LANCL3: variants seen among roughly 807,000 people sequenced by gnomAD.
LANCL3 encodes the protein lanC-like protein 3.
A neutral mutation model predicts 26.5 loss-of-function variants in LANCL3; 19 were observed. The observed-to-expected ratio is 0.72, with a 90% CI of 0.50 to 1.05. The LOEUF is 1.05. LANCL3 is among the 50% of genes least tolerant of loss of function. The pLI, the probability that LANCL3 is intolerant of heterozygous loss-of-function variation, is 0.00. For missense variants in LANCL3, 318 were observed against 362.7 expected (o/e 0.88, Z 1.00); for synonymous variants, 160 against 166.6 (o/e 0.96, Z 0.30).
At chrX:37,596,201 A>C (rs141479936) in intron 1 of LANCL3, among the ~76,000 whole-genome samples, 1,433 of 112,084 alleles carry the variant, frequency 0.013, 18 homozygotes, top group African/African-American at 0.043. Context: ...AGATAGCATG[A>C]GCTTTTAATT....
intron 1 of LANCL3, among the ~76,000 whole-genome samples, chrX:37,585,368 A>G (rs28819426): frequency 1.1e-4 from 12 of 111,065 alleles, no homozygotes; most frequent in Non-Finnish European, 2.1e-4. Context: ...TTTCTGTCTC[A>G]TTGATCTGTC....
intron 1 of LANCL3, among the ~76,000 whole-genome samples, chrX:37,592,196 G>A (rs1179703617): frequency 8.9e-6 from 1 of 112,011 alleles, no homozygotes; most frequent in Non-Finnish European, 1.9e-5. Context: ...AGGACGATAT[G>A]TGGTTATCAG....
chrX:37,679,509 CAAG>C lies in LANCL3; in HGVS notation c.*3699_*3701del, dbSNP rs1926885617. 1 of 111,479 alleles carries C rather than the reference CAAG, an allele frequency of 9.0e-6. No individual in the cohort carries two copies. Among genetic ancestry groups the C allele is most frequent in the Non-Finnish European group, 1.9e-5 (1 of 53,066 alleles). 9.2% of individuals were successfully genotyped at this position (111,479 alleles called of 1,213,427 possible). ...ACAAAGGATTACAGTGCCAATAACT[CAAG>C]AAAAGGAGCAGGCAAGCCAGGTCTG... is the stretch of plus-strand genomic sequence containing the variant. On this transcript the variant is annotated 3_prime_UTR_variant, in exon 5 of 5. Transcript: ENST00000378619.
At chrX:37,675,079 ATC>A (rs1354841709) in intron 4 of LANCL3, among the ~76,000 whole-genome samples, 1 of 112,273 alleles carries the variant, frequency 8.9e-6, no homozygotes, top group Non-Finnish European at 1.9e-5. Flanking sequence ...CTCAAAAATA[ATC>A]TGTCTTGTAG....
intron 1 of LANCL3, among the ~76,000 whole-genome samples, chrX:37,612,533 A>G (rs994555379): frequency 8.9e-6 from 1 of 112,367 alleles, no homozygotes; most frequent in Admixed American, 9.4e-5. Context: ...TAAACACTCA[A>G]TCTCAAAAGT....
chrX:37,665,966 G>A (rs782115317), intron 3 of LANCL3, among the ~76,000 whole-genome samples: 4 of 112,203 alleles, frequency 3.6e-5, no homozygotes, highest in Non-Finnish European at 7.5e-5. Flanking sequence ...TTTAGTTTGT[G>A]CAAGGTACTT....
chrX:37,577,250 A>G (rs1556416506), intron 1 of LANCL3, among the ~76,000 whole-genome samples: 1 of 112,714 alleles, frequency 8.9e-6, no homozygotes, highest in East Asian at 2.8e-4. Flanking sequence ...GTCTTAGAAT[A>G]ATATTTTTAA....
chrX:37,594,087 A>G (rs1402894290), intron 1 of LANCL3, among the ~76,000 whole-genome samples: 12 of 111,677 alleles, frequency 1.1e-4, no homozygotes, highest in African/African-American at 3.9e-4. Context: ...GAGAAGGGGT[A>G]TGGGGATAGG....
intron 4 of LANCL3, among the ~76,000 whole-genome samples, chrX:37,672,636 G>C (rs1569470948): frequency 8.9e-6 from 1 of 111,874 alleles, no homozygotes; most frequent in African/African-American, 3.2e-5. Context: ...GGTGTGATCT[G>C]ATTAGTTACT....
rs1661302772 is a variant in LANCL3, at chrX:37,683,828, T to C, written c.*8015T>C. ...AAAACATCACTTTCTATAAGTCTAT[T>C]ATTATGTACATAATATTTTTAAAAA... On this transcript the variant is annotated 3_prime_UTR_variant, in exon 5 of 5. Transcript: ENST00000378619. 1 of 112,099 alleles carries C rather than the reference T, an allele frequency of 8.9e-6. No homozygotes were observed. Among genetic ancestry groups the C allele is most frequent in the Admixed American group, 9.5e-5 (1 of 10,525 alleles). The allele number at this position is 112,099 out of a possible 1,213,427, so 9.2% of individuals were successfully genotyped here.
intron 1 of LANCL3, among the ~76,000 whole-genome samples, chrX:37,615,050 G>A (rs1450610832): frequency 8.1e-5 from 9 of 111,743 alleles, no homozygotes; most frequent in East Asian, 2.8e-4. Flanking sequence ...CCCATTTTAC[G>A]GTGAAGAAAC....
chrX:37,609,303 A>G (rs1924798847), intron 1 of LANCL3, among the ~76,000 whole-genome samples: 1 of 111,777 alleles, frequency 8.9e-6, no homozygotes, highest in African/African-American at 3.3e-5. Context: ...TCTGGAGGCT[A>G]AACTAAGGTT....
intron 1 of LANCL3, among the ~76,000 whole-genome samples, chrX:37,574,810 A>G (rs1265391073): frequency 2.7e-5 from 3 of 110,054 alleles, no homozygotes; most frequent in Non-Finnish European, 5.7e-5. Context: ...TTCCTGTCTC[A>G]GGCTGTTTGT....
chrX:37,675,663 A>G lies in LANCL3; in HGVS notation c.1113A>G (p.Gln371=), dbSNP rs41309727. The part of the protein sequence containing the change: ...KYIYRAQRFA[Q]FLFTEEFKAG... ...TTTCTTCTTCTCTTAGGTTTGCTCA[A>G]TTCTTATTTACCGAGGAATTCAAGG... is the stretch of plus-strand genomic sequence containing the variant. The change falls in exon 5 of 5, where the codon CAA becomes CAG. Residue 371 remains glutamine (Q), a synonymous_variant. Transcript: ENST00000378619. 0.013 allele frequency: 14,778 copies of G among 1,132,584 alleles called. 1,194 individuals are homozygous for G. The African/African-American group carries it at 0.24, about 18-fold the overall frequency. 93.3% of individuals were successfully genotyped at this position (1,132,584 alleles called of 1,213,427 possible).
In LANCL3 at chrX:37,683,236, A is replaced by T. The variant is rs1926980785; in HGVS notation, c.*7423A>T. On this transcript the variant is annotated 3_prime_UTR_variant, in exon 5 of 5. Coordinates refer to ENST00000378619, the MANE Select transcript of LANCL3 (RefSeq NM_001170331.2). Reference sequence around the variant, plus strand: ...ATTTCACAAACTGCACATTAGGGCAATTTCTTACTTATGAGGAGGTACAAA... The same window carrying T: ...ATTTCACAAACTGCACATTAGGGCATTTTCTTACTTATGAGGAGGTACAAA... The T allele has an allele frequency of 8.9e-6, 1 of 111,746 alleles. No individual in the cohort carries two copies. Among genetic ancestry groups the T allele is most frequent in the Non-Finnish European group, 1.9e-5 (1 of 53,087 alleles). The allele number at this position is 111,746 out of a possible 1,213,427, so 9.2% of individuals were successfully genotyped here.
intron 1 of LANCL3, among the ~76,000 whole-genome samples, chrX:37,605,055 G>T (rs899838085): frequency 2.7e-5 from 3 of 111,574 alleles, no homozygotes; most frequent in Non-Finnish European, 5.7e-5. Context: ...AGATGCTGAG[G>T]AGTATTTCAC....
At chrX:37,620,829 T>A (rs914688069) in intron 1 of LANCL3, among the ~76,000 whole-genome samples, 4 of 111,878 alleles carry the variant, frequency 3.6e-5, no homozygotes, top group Non-Finnish European at 5.6e-5. Flanking sequence ...AAATGAGACC[T>A]TGTCTCTGGA....
rs782692336 is a variant in LANCL3, at chrX:37,589,700, C to T, written c.573+17257C>T. On this transcript the variant is annotated intron_variant, in intron 1 of 4. Transcript: ENST00000378619. ...GATTCTGAGTATTGGTGTGCTTTAG[C>T]GTAGGGTGCTAAAGCAGTCTACATT... is the stretch of plus-strand genomic sequence containing the variant. 5.4e-5 allele frequency among the ~76,000 whole-genome samples: 6 copies of T among 111,734 alleles called. No homozygotes were observed. The South Asian group carries it at 2.2e-3, about 41-fold the overall frequency.
chrX:37,597,289 T>C (rs1171627348), intron 1 of LANCL3, among the ~76,000 whole-genome samples: 1 of 112,431 alleles, frequency 8.9e-6, no homozygotes, highest in African/African-American at 3.2e-5. Context: ...AATGCTGCCA[T>C]AATGCTGTTT....
Sources: gnomAD v4.1 joint callset for allele counts (sites outside exome capture counted in the v4.1 genomes callset) on GRCh38, gnomAD v4.1.1 for gene constraint, MANE v1.5 for transcripts, NCBI Gene and HGNC (gene_info 2026-07-23, HGNC 2026-07-21) for gene names.